The following ZDHHC11B variants were observed in gnomAD, a reference collection of about 807,000 sequenced individuals.
The protein encoded by ZDHHC11B is probable palmitoyltransferase ZDHHC11B.
A neutral mutation model predicts 42.3 loss-of-function variants in ZDHHC11B; 17 were observed. That is an observed-to-expected ratio of 0.40 (90% CI 0.27 to 0.60). ZDHHC11B has a LOEUF of 0.60. ZDHHC11B is among the 20% of genes least tolerant of loss of function. The probability of loss-of-function intolerance (pLI) is 0.41; values close to 1 mark genes in which losing one functional copy is unlikely to be tolerated. For missense variants in ZDHHC11B, 262 were observed against 463.2 expected (o/e 0.57, Z 3.99); for synonymous variants, 123 against 193.5 (o/e 0.64, Z 3.02).
At chr5:770,768 T>C (rs533196046) in intron 1 of ZDHHC11B, among the ~76,000 whole-genome samples, 1 of 152,072 alleles carries the variant, frequency 6.6e-6, no homozygotes, top group East Asian at 1.9e-4. Flanking sequence ...GGACTGCCAG[T>C]GTGCAGGGCT....
chr5:761,811 G>A lies in ZDHHC11B; in HGVS notation c.222+4887C>T, dbSNP rs1398190538. Among the ~76,000 whole-genome samples the A allele has an allele frequency of 2.6e-4, 12 of 47,012 alleles. 1 individual carries two copies. Among genetic ancestry groups the A allele is most frequent in the African/African-American group, 1.4e-3 (11 of 7,974 alleles). 30.8% of individuals were successfully genotyped at this position (47,012 alleles called of 152,430 possible). A position where few individuals can be genotyped will look rare whatever the true frequency, so the allele number is the denominator to read the frequency against. ...GATTGGGAAGGCCACGGAGCAGACA[G>A]GGGGACACAAAGTCTTCTACTCACA... On this transcript the variant is annotated intron_variant, in intron 4 of 13. Transcript: ENST00000508859.
At chr5:720,220 A>G (rs1239182290) in intron 12 of ZDHHC11B, among the ~76,000 whole-genome samples, 3 of 151,868 alleles carry the variant, frequency 2.0e-5, no homozygotes, top group Non-Finnish European at 4.4e-5. Flanking sequence ...GCTAAGACAC[A>G]TTACAGTTAG....
chr5:736,349 A>G (rs1480562037), intron 10 of ZDHHC11B, among the ~76,000 whole-genome samples: 2 of 149,940 alleles, frequency 1.3e-5, no homozygotes, highest in Admixed American at 1.4e-4. Flanking sequence ...AAGAAATGAG[A>G]CTGATGAAAA....
intron 10 of ZDHHC11B, among the ~76,000 whole-genome samples, chr5:739,396 T>TCAAACAAACAAA (rs70955296): frequency 0.012 from 1,819 of 148,954 alleles, 3 homozygotes; most frequent in East Asian, 0.066. Flanking sequence ...AGACTCTGTC[T>TCAAACAAACAAA]CAAACAAACA....
At chr5:729,334 A>G (rs1413304424) in intron 12 of ZDHHC11B, among the ~76,000 whole-genome samples, 5 of 151,126 alleles carry the variant, frequency 3.3e-5, no homozygotes, top group Non-Finnish European at 5.9e-5. Flanking sequence ...ATGGTGGCAG[A>G]GACCCCAGAG....
chr5:763,832 G>A (rs1292681946), intron 4 of ZDHHC11B, among the ~76,000 whole-genome samples: 1 of 151,882 alleles, frequency 6.6e-6, no homozygotes, highest in Non-Finnish European at 1.5e-5. Context: ...ACAAACTGGA[G>A]CATTTACAGG....
rs576025524 is a variant in ZDHHC11B, at chr5:753,913, G to A, written c.503+1085C>T. Among the ~76,000 whole-genome samples, 36 of 145,258 alleles carry A rather than the reference G, an allele frequency of 2.5e-4. 3 individuals are homozygous for A. The highest frequency in any genetic ancestry group is 3.4e-3 in the Middle Eastern group (1 of 292). ...GTCAGCACAGAGTAGCTGGGGAGCA[G>A]GCGTGGTTCTTTTCCCTGGTGATCT... On this transcript the variant is annotated intron_variant, in intron 6 of 13. Coordinates refer to ENST00000508859, the MANE Select transcript of ZDHHC11B (RefSeq NM_001351303.2).
chr5:733,726 G>T (rs1271193956), intron 11 of ZDHHC11B, 26 bp downstream of exon 11: 5 of 1,594,618 alleles, frequency 3.1e-6, no homozygotes, highest in Non-Finnish European at 4.3e-6. Flanking sequence ...TGTCCTCAGG[G>T]TGCATTGCTG....
At chr5:759,218 G>A (rs1364892008) in intron 4 of ZDHHC11B, among the ~76,000 whole-genome samples, 1 of 151,436 alleles carries the variant, frequency 6.6e-6, no homozygotes, top group Non-Finnish European at 1.5e-5. Context: ...TCTGTATTTT[G>A]TAAATAAACG....
rs766195371 is a variant in ZDHHC11B at position 756,855 on chromosome 5, C to T, written c.223-711G>A. On this transcript the variant is annotated intron_variant, in intron 4 of 13. Transcript: ENST00000508859. ...TCTCCCCGAGACTTGCTCAGGGAAA[C>T]ACCCCCTAGACTCATTCAGGGACCC... Among the ~76,000 whole-genome samples, 166 of 151,634 alleles carry T rather than the reference C, an allele frequency of 1.1e-3. 2 individuals carry two copies. Among genetic ancestry groups the T allele is most frequent in the Non-Finnish European group, 1.9e-3 (128 of 67,832 alleles).
At chr5:750,731 C>A (rs1443180785) in intron 7 of ZDHHC11B, among the ~76,000 whole-genome samples, 1 of 127,546 alleles carries the variant, frequency 7.8e-6, no homozygotes, top group African/African-American at 2.6e-5. Context: ...ACCCTCAGCG[C>A]TGCCTCCACT....
chr5:757,447 CA>C (rs1391237650), intron 4 of ZDHHC11B, among the ~76,000 whole-genome samples: 6 of 151,950 alleles, frequency 3.9e-5, no homozygotes, highest in African/African-American at 1.5e-4. Flanking sequence ...GGAGCCCCCT[CA>C]GGCAACGTTG....
At chr5:772,627 T>C (rs1215513748) in intron 1 of ZDHHC11B, among the ~76,000 whole-genome samples, 1 of 151,588 alleles carries the variant, frequency 6.6e-6, no homozygotes, top group Non-Finnish European at 1.5e-5. Flanking sequence ...CAGGAACCCA[T>C]GGCCGTCACA....
rs76784714 is a variant in ZDHHC11B, at chr5:739,027, A to C, written c.935+2567T>G. On this transcript the variant is annotated intron_variant, in intron 10 of 13. Coordinates refer to ENST00000508859, the MANE Select transcript of ZDHHC11B (RefSeq NM_001351303.2). The stretch of plus-strand genomic sequence containing the variant: ...AAATAGAACCCAGGGATAGGAAGAA[A>C]ATATTCACAATCTGTACTTCTGACA... Among the ~76,000 whole-genome samples the C allele has an allele frequency of 1.7e-3, 260 of 150,922 alleles. 1 individual carries two copies. Among genetic ancestry groups the C allele is most frequent in the African/African-American group, 6.1e-3 (249 of 40,744 alleles).
At chr5:726,290 G>A (rs1461315464) in intron 12 of ZDHHC11B, among the ~76,000 whole-genome samples, 241 of 151,252 alleles carry the variant, frequency 1.6e-3, no homozygotes, top group African/African-American at 5.5e-3. Flanking sequence ...TGTAATGTGC[G>A]CAGCAGGCAG....
At chr5:766,965 G>C in intron 3 of ZDHHC11B, 46 bp from the exon 4 acceptor site, 1 of 1,592,738 alleles carries the variant, frequency 6.3e-7, no homozygotes, top group South Asian at 1.1e-5. Flanking sequence ...GCTCCGGGGA[G>C]GGCCGGCCCC....
In ZDHHC11B at chr5:723,183, C is replaced by T. The variant is rs560479838; in HGVS notation, c.1059-6318G>A. Among the ~76,000 whole-genome samples the T allele has an allele frequency of 4.3e-3, 646 of 149,150 alleles. 10 individuals carry two copies. The highest frequency in any genetic ancestry group is 0.016 in the African/African-American group (622 of 40,026). On this transcript the variant is annotated intron_variant, in intron 12 of 13. Coordinates refer to ENST00000508859, the MANE Select transcript of ZDHHC11B (RefSeq NM_001351303.2). ...TACGGAGTCAATGAAGGAAGCAGGT[C>T]ACTCACAGATCAAGGATGAATCTGT...
intron 1 of ZDHHC11B, among the ~76,000 whole-genome samples, chr5:776,473 CCAGCAGGGCTGAGGGGA>C (rs1736495781): frequency 6.6e-6 from 1 of 151,912 alleles, no homozygotes; most frequent in Non-Finnish European, 1.5e-5. Context: ...AGGCCCCTGG[CCAGCAGGGCTGAGGGGA>C]AAGTCTCCAC....
chr5:728,990 G>T (rs1241753222), intron 12 of ZDHHC11B, among the ~76,000 whole-genome samples: 1 of 146,516 alleles, frequency 6.8e-6, no homozygotes, highest in African/African-American at 2.5e-5. Context: ...TGCAGCCTGG[G>T]TGACAGAGAA....
Sources: allele counts gnomAD v4.1 joint callset (sites outside exome capture counted in the v4.1 genomes callset), GRCh38; gene constraint gnomAD v4.1.1; transcripts MANE v1.5; gene names NCBI Gene and HGNC (gene_info 2026-07-23, HGNC 2026-07-21).